The following SUGCT variants were observed in gnomAD, a reference collection of about 807,000 sequenced individuals.
The protein encoded by SUGCT is succinyl-CoA:glutarate CoA-transferase.
Under a neutral mutation model 55.0 loss-of-function variants are expected in SUGCT, and 41 were observed. The ratio of observed to expected loss-of-function variants is 0.74; its 90% CI spans 0.58 to 0.97. The LOEUF is 0.97. Among genes scored for constraint, SUGCT ranks in the 50% least tolerant of loss-of-function variants. The pLI, the probability that SUGCT is intolerant of heterozygous loss-of-function variation, is 0.00. For synonymous variants in SUGCT, 187 were observed against 200.4 expected (o/e 0.93, Z 0.56); for missense variants, 568 against 547.8 (o/e 1.04, Z -0.37).
the SUGCT span, among the ~76,000 whole-genome samples, chr7:40,900,517 T>G: frequency 1.6e-3 from 242 of 152,364 alleles, 1 homozygote; most frequent in African/African-American, 5.6e-3. Context: ...TAGTCCCCTT[T>G]GAGTTCCAAA....
intron 12 of SUGCT, chr7:40,684,103 C>A: frequency 6.2e-7 from 1 of 1,611,202 alleles, no homozygotes; most frequent in Non-Finnish European, 8.5e-7. Flanking sequence ...TGGCCCATGG[C>A]CCCTTCCTTC....
intron 12 of SUGCT, among the ~76,000 whole-genome samples, chr7:40,724,325 G>A (rs945684704): frequency 6.6e-6 from 1 of 152,154 alleles, no homozygotes; most frequent in Non-Finnish European, 1.5e-5. Flanking sequence ...TGGGGCTTTG[G>A]GAGGCCAAGG....
At chr7:40,703,227 G>A (rs766681941) in intron 12 of SUGCT, among the ~76,000 whole-genome samples, 10 of 152,126 alleles carry the variant, frequency 6.6e-5, no homozygotes, top group Non-Finnish European at 1.2e-4. Context: ...ACCATGCCCG[G>A]CTAATTTTGT....
chr7:40,959,334 G>A, the SUGCT span, among the ~76,000 whole-genome samples: 2,149 of 152,324 alleles, frequency 0.014, 22 homozygotes, highest in Non-Finnish European at 0.021. Flanking sequence ...CCCTGACTGC[G>A]GCTGCTGCCT....
chr7:40,364,663 A>G (rs993568614), intron 9 of SUGCT, among the ~76,000 whole-genome samples: 2 of 152,178 alleles, frequency 1.3e-5, no homozygotes, highest in Admixed American at 6.5e-5. Flanking sequence ...TCTGGCTTGT[A>G]GAGTTTCTGC....
intron 13 of SUGCT, among the ~76,000 whole-genome samples, chr7:40,848,112 G>T (rs1013509572): frequency 6.6e-6 from 1 of 152,190 alleles, no homozygotes; most frequent in Non-Finnish European, 1.5e-5. Flanking sequence ...CACACCGATG[G>T]TGTAGATTAC....
At chr7:40,867,619 C>T in the SUGCT span, among the ~76,000 whole-genome samples, 1 of 152,018 alleles carries the variant, frequency 6.6e-6, no homozygotes, top group African/African-American at 2.4e-5. Context: ...AAAGTAGTCC[C>T]ACAAAATGAG....
chr7:40,770,173 A>G (rs1789019725), intron 13 of SUGCT, among the ~76,000 whole-genome samples: 1 of 152,036 alleles, frequency 6.6e-6, no homozygotes, highest in Non-Finnish European at 1.5e-5. Flanking sequence ...TTTTGCATGT[A>G]TTGTTTCCTC....
chr7:40,177,216 A>T (rs540755707), intron 1 of SUGCT, among the ~76,000 whole-genome samples: 1 of 152,224 alleles, frequency 6.6e-6, no homozygotes, highest in East Asian at 1.9e-4. Flanking sequence ...ATGCTTCAAT[A>T]ACAGTTGCTG....
chr7:40,831,841 T>G (rs1792682773), intron 13 of SUGCT, among the ~76,000 whole-genome samples: 1 of 152,202 alleles, frequency 6.6e-6, no homozygotes, highest in South Asian at 2.1e-4. Flanking sequence ...TGATGAAGGC[T>G]ACCAGGCATA....
At chr7:40,691,535 C>T (rs1042833306) in intron 12 of SUGCT, among the ~76,000 whole-genome samples, 3 of 152,112 alleles carry the variant, frequency 2.0e-5, no homozygotes, top group African/African-American at 7.2e-5. Flanking sequence ...TAGATATACG[C>T]TAGATATATC....
At chr7:40,885,296 G>T in the SUGCT span, among the ~76,000 whole-genome samples, 1 of 152,082 alleles carries the variant, frequency 6.6e-6, no homozygotes, top group Non-Finnish European at 1.5e-5. Flanking sequence ...GAGTTTGTTG[G>T]CCTCACCGCT....
At chr7:40,324,196 G>C (rs531554359) in intron 9 of SUGCT, among the ~76,000 whole-genome samples, 1 of 146,948 alleles carries the variant, frequency 6.8e-6, no homozygotes, top group East Asian at 2.0e-4. Flanking sequence ...TCTATCACCT[G>C]TATTATACTT....
intron 13 of SUGCT, among the ~76,000 whole-genome samples, chr7:40,757,470 G>C (rs1447343073): frequency 6.6e-6 from 1 of 152,118 alleles, no homozygotes; most frequent in Non-Finnish European, 1.5e-5. Context: ...GACCCTAGTG[G>C]GCTTCCCGAT....
chr7:40,488,122 A>G (rs967385323), intron 11 of SUGCT, among the ~76,000 whole-genome samples: 5 of 150,050 alleles, frequency 3.3e-5, no homozygotes, highest in African/African-American at 1.2e-4. Flanking sequence ...GTTGTTTTGT[A>G]GATTCTTTTT....
At chr7:40,897,017 C>T in the SUGCT span, among the ~76,000 whole-genome samples, 1 of 152,184 alleles carries the variant, frequency 6.6e-6, no homozygotes, top group Non-Finnish European at 1.5e-5. Flanking sequence ...GACATATAAA[C>T]CAGTGGAACA....
intron 9 of SUGCT, among the ~76,000 whole-genome samples, chr7:40,370,587 G>A (rs1399964254): frequency 6.7e-6 from 1 of 148,874 alleles, no homozygotes; most frequent in Admixed American, 6.7e-5. Flanking sequence ...AAGAGAGAGA[G>A]AGATGGGGGA....
intron 9 of SUGCT, among the ~76,000 whole-genome samples, chr7:40,381,859 T>G (rs7779860): frequency 0.26 from 39,288 of 151,950 alleles, 6,114 homozygotes; most frequent in Non-Finnish European, 0.36. Flanking sequence ...TTTTTTTATG[T>G]TAATCATTTT....
intron 13 of SUGCT, among the ~76,000 whole-genome samples, chr7:40,769,736 T>G (rs77173968): frequency 2.4e-4 from 36 of 152,306 alleles, no homozygotes; most frequent in African/African-American, 8.4e-4. Flanking sequence ...CAGAAACAAA[T>G]GCACGTTGTT....
Sources: allele counts gnomAD v4.1 joint callset (sites outside exome capture counted in the v4.1 genomes callset), GRCh38; gene constraint gnomAD v4.1.1; transcripts MANE v1.5; gene names NCBI Gene and HGNC (gene_info 2026-07-23, HGNC 2026-07-21).